Variants in PDE1C observed in about 807,000 individuals in gnomAD.
PDE1C encodes the protein phosphodiesterase 1C, also known as dual specificity calcium/calmodulin-dependent 3',5'-cyclic nucleotide phosphodiesterase 1C.
A neutral mutation model predicts 93.1 loss-of-function variants in PDE1C; 62 were observed. The observed-to-expected ratio is 0.67, with a 90% CI of 0.54 to 0.82. The LOEUF is 0.82. Among genes scored for constraint, PDE1C ranks in the 40% least tolerant of loss-of-function variants. PDE1C has a pLI of 0.00. For missense variants in PDE1C, 742 were observed against 884.6 expected (o/e 0.84, Z 2.04); for synonymous variants, 325 against 310.1 (o/e 1.05, Z -0.50).
intron 1 of PDE1C, among the ~76,000 whole-genome samples, chr7:32,059,022 C>T (rs755559767): frequency 1.3e-5 from 2 of 150,870 alleles, no homozygotes; most frequent in Non-Finnish European, 3.0e-5. Context: ...GAAAGAAAAA[C>T]TAACAAAAAC....
chr7:32,366,298 T>C (rs1291565223), intron 1 of PDE1C, among the ~76,000 whole-genome samples: 5 of 151,992 alleles, frequency 3.3e-5, no homozygotes, highest in Non-Finnish European at 7.4e-5. Flanking sequence ...AAAAGTACAA[T>C]TGAGAGCTTT....
intron 1 of PDE1C, among the ~76,000 whole-genome samples, chr7:32,392,261 T>C (rs1784763355): frequency 6.6e-6 from 1 of 152,180 alleles, no homozygotes; most frequent in African/African-American, 2.4e-5. Context: ...TTAGAAAATC[T>C]GACTAAACCT....
chr7:32,147,700 C>T (rs1800979328), intron 3 of PDE1C, among the ~76,000 whole-genome samples: 1 of 152,038 alleles, frequency 6.6e-6, no homozygotes, highest in Non-Finnish European at 1.5e-5. Flanking sequence ...ATCTTCCTCC[C>T]ACCCCCCCTC....
chr7:32,115,886 CTT>C (rs1798959988), intron 3 of PDE1C, among the ~76,000 whole-genome samples: 1 of 152,154 alleles, frequency 6.6e-6, no homozygotes, highest in Admixed American at 6.5e-5. Context: ...CCCAGTGAGA[CTT>C]TGCCCAGGGG....
chr7:32,127,274 T>C (rs1799643142), intron 3 of PDE1C, among the ~76,000 whole-genome samples: 1 of 152,034 alleles, frequency 6.6e-6, no homozygotes. Flanking sequence ...GAGCTAATAA[T>C]TTTTATAATA....
intron 2 of PDE1C, among the ~76,000 whole-genome samples, chr7:31,909,667 T>C (rs556696201): frequency 1.3e-5 from 2 of 152,332 alleles, no homozygotes; most frequent in South Asian, 4.1e-4. Context: ...TCTTGGTAGT[T>C]CATAAAATGA....
chr7:32,343,096 G>T (rs1263404741), intron 1 of PDE1C, among the ~76,000 whole-genome samples: 1 of 152,120 alleles, frequency 6.6e-6, no homozygotes, highest in Non-Finnish European at 1.5e-5. Context: ...GCCACCAGAG[G>T]CTGCCAACAA....
At chr7:31,802,244 G>C (rs971278556) in intron 16 of PDE1C, among the ~76,000 whole-genome samples, 1 of 151,182 alleles carries the variant, frequency 6.6e-6, no homozygotes, top group East Asian at 2.0e-4. Context: ...TGTTGTTTTA[G>C]TGATTGCTTT....
chr7:31,936,240 T>C (rs1274288735), intron 2 of PDE1C, among the ~76,000 whole-genome samples: 1 of 152,116 alleles, frequency 6.6e-6, no homozygotes, highest in Non-Finnish European at 1.5e-5. Context: ...ATAAAACCTA[T>C]CATGTGGGTT....
chr7:31,909,876 C>T (rs925113852), intron 2 of PDE1C, among the ~76,000 whole-genome samples: 5 of 151,082 alleles, frequency 3.3e-5, no homozygotes, highest in East Asian at 1.9e-4. Context: ...GCACCATTAA[C>T]ATTTTGGACT....
intron 1 of PDE1C, among the ~76,000 whole-genome samples, chr7:32,259,186 CA>C (rs1810018979): frequency 6.6e-6 from 1 of 152,136 alleles, no homozygotes; most frequent in Non-Finnish European, 1.5e-5. Context: ...TCCTACCAAA[CA>C]TAAGTTTTGA....
intron 2 of PDE1C, among the ~76,000 whole-genome samples, chr7:31,982,033 C>T (rs2094639748): frequency 6.6e-6 from 1 of 152,202 alleles, no homozygotes; most frequent in Admixed American, 6.6e-5. Flanking sequence ...TTCTAATCTG[C>T]ATGATGCAAT....
intron 1 of PDE1C, among the ~76,000 whole-genome samples, chr7:32,306,153 A>C (rs1465467697): frequency 6.6e-6 from 1 of 152,124 alleles, no homozygotes; most frequent in Non-Finnish European, 1.5e-5. Flanking sequence ...CGTGGTTGTG[A>C]GGCCTCCCCA....
intron 11 of PDE1C, among the ~76,000 whole-genome samples, chr7:31,835,379 C>A (rs999076392): frequency 1.3e-5 from 2 of 152,082 alleles, no homozygotes; most frequent in African/African-American, 4.8e-5. Flanking sequence ...TGCGGAGTCA[C>A]CTGTATAGTT....
At chr7:32,059,059 G>C (rs1200391420) in intron 1 of PDE1C, among the ~76,000 whole-genome samples, 1 of 152,076 alleles carries the variant, frequency 6.6e-6, no homozygotes, top group East Asian at 1.9e-4. Context: ...TTATTAGCTA[G>C]GTTTTCTAGT....
intron 2 of PDE1C, among the ~76,000 whole-genome samples, chr7:31,937,179 C>T (rs1805201755): frequency 6.6e-6 from 1 of 152,110 alleles, no homozygotes; most frequent in Non-Finnish European, 1.5e-5. Context: ...TGTCTCTTAT[C>T]AGACCTTAAA....
At chr7:31,680,427 C>T in the PDE1C span, among the ~76,000 whole-genome samples, 1 of 152,162 alleles carries the variant, frequency 6.6e-6, no homozygotes, top group Non-Finnish European at 1.5e-5. Context: ...AGAAAGAATA[C>T]TGACTCGGAG....
chr7:31,992,974 G>A (rs897675151), intron 2 of PDE1C, among the ~76,000 whole-genome samples: 4 of 152,128 alleles, frequency 2.6e-5, no homozygotes, highest in Non-Finnish European at 5.9e-5. Flanking sequence ...CATATCAAAC[G>A]ATCGGCACCT....
chr7:31,810,333 A>G (rs1304379508), intron 15 of PDE1C, among the ~76,000 whole-genome samples: 1 of 152,144 alleles, frequency 6.6e-6, no homozygotes, highest in East Asian at 1.9e-4. Context: ...AAAGATCCCA[A>G]TAATAATTGG....
Sources: gnomAD v4.1 joint callset for allele counts (sites outside exome capture counted in the v4.1 genomes callset) on GRCh38, gnomAD v4.1.1 for gene constraint, MANE v1.5 for transcripts, NCBI Gene and HGNC (gene_info 2026-07-23, HGNC 2026-07-21) for gene names.